CADM2: variants seen among roughly 807,000 people sequenced by gnomAD.
The protein encoded by CADM2 is cell adhesion molecule 2.
A neutral mutation model predicts 49.8 loss-of-function variants in CADM2; 12 were observed. The observed-to-expected ratio is 0.24, with a 90% confidence interval of 0.15 to 0.39. The LOEUF (loss-of-function observed/expected upper bound fraction) is 0.39, where lower values mean the gene tolerates loss of function less well. CADM2 is among the 10% of genes least tolerant of loss of function. The pLI, the probability that CADM2 is intolerant of heterozygous loss-of-function variation, is 1.00. For missense variants in CADM2, 378 were observed against 492.3 expected, an observed-to-expected ratio of 0.77 and a Z score of 2.20; for synonymous variants, 214 against 175.4, an observed-to-expected ratio of 1.22 and a Z score of -1.74.
At chr3:85,171,595 T>C (rs1217500465) in intron 1 of CADM2, among the ~76,000 whole-genome samples, 1 of 152,232 alleles carries the variant, frequency 6.6e-6, no homozygotes, top group East Asian at 1.9e-4. Context: ...ACTGGCTTAC[T>C]GAGGCATAAT....
At chr3:85,015,135 A>G (rs1412009822) in intron 1 of CADM2, among the ~76,000 whole-genome samples, 1 of 152,070 alleles carries the variant, frequency 6.6e-6, no homozygotes, top group African/African-American at 2.4e-5. Context: ...ATATATAAAC[A>G]CATATATGTG....
Position 86,066,991 on chromosome 3 carries a change from A to AAATT in CADM2, c.*208_*209insAATT. The AAATT allele has an allele frequency of 1.9e-6, 1 of 533,142 alleles. No individual in the cohort carries two copies. Among genetic ancestry groups the AAATT allele is most frequent in the Non-Finnish European group, 3.3e-6 (1 of 298,560 alleles). 33.0% of individuals were successfully genotyped at this position (533,142 alleles called of 1,614,324 possible). ...CCATCCATAATGCAGGACATTTCTT[A>AAATT]CTGCCTAAATTTCACACCATTGCTC... On this transcript the variant is annotated 3_prime_UTR_variant, in exon 10 of 10. Transcript: ENST00000383699.
chr3:85,031,288 T>A (rs2034965924), intron 1 of CADM2, among the ~76,000 whole-genome samples: 3 of 152,192 alleles, frequency 2.0e-5, no homozygotes. Context: ...TGAGTTAGTA[T>A]GTCAGCCTTG....
chr3:85,037,910 C>T (rs1162028364), intron 1 of CADM2, among the ~76,000 whole-genome samples: 1 of 151,682 alleles, frequency 6.6e-6, no homozygotes, highest in African/African-American at 2.4e-5. Context: ...TCCATTTCAT[C>T]CCATTTTTTA....
At chr3:85,633,762 ATAT>A (rs911945667) in intron 1 of CADM2, among the ~76,000 whole-genome samples, 7 of 152,094 alleles carry the variant, frequency 4.6e-5, no homozygotes, top group African/African-American at 1.7e-4. Flanking sequence ...AACAAATAAA[ATAT>A]TCCTTTCAAA....
intron 1 of CADM2, among the ~76,000 whole-genome samples, chr3:85,513,718 A>C (rs1349260684): frequency 2.6e-5 from 4 of 152,012 alleles, no homozygotes; most frequent in Admixed American, 2.6e-4. Flanking sequence ...TAATGTAAGC[A>C]TTCTAGACTG....
chr3:85,144,620 A>AAAAGAAAGAAAGAAAGAAAG (rs60207038), intron 1 of CADM2, among the ~76,000 whole-genome samples: 17 of 136,388 alleles, frequency 1.2e-4, no homozygotes, highest in Middle Eastern at 3.8e-3. Flanking sequence ...TCAAAAAAAA[A>AAAAGAAAGAAAGAAAGAAAG]AAAGAAAGAA....
chr3:85,127,059 A>C (rs1369320351), intron 1 of CADM2, among the ~76,000 whole-genome samples: 2 of 152,198 alleles, frequency 1.3e-5, no homozygotes, highest in East Asian at 3.8e-4. Flanking sequence ...GACAATTTTT[A>C]GTAGATCCAT....
rs115496152 is a variant in CADM2 at position 85,385,373 on chromosome 3, A to G, written c.62-341149A>G. Among the ~76,000 whole-genome samples the G allele has an allele frequency of 7.2e-3, 1,090 of 152,332 alleles. 11 individuals are homozygous for G. The highest frequency in any genetic ancestry group is 0.023 in the African/African-American group (977 of 41,590). Reference sequence around the variant, plus strand: ...GAGAGTGAGCAGGGAGGGAAAATGTATAGATTAACTGATAGTAGGGGAGAG... The same window carrying G: ...GAGAGTGAGCAGGGAGGGAAAATGTGTAGATTAACTGATAGTAGGGGAGAG... On this transcript the variant is annotated intron_variant, in intron 1 of 9. Coordinates refer to ENST00000383699, the MANE Select transcript of CADM2 (RefSeq NM_001167675.2).
At chr3:85,741,318 T>A (rs1040646679) in intron 2 of CADM2, among the ~76,000 whole-genome samples, 1 of 138,904 alleles carries the variant, frequency 7.2e-6, no homozygotes, top group African/African-American at 2.9e-5. Context: ...TCTTTGATGA[T>A]TTATTTCCCC....
chr3:85,301,362 C>T (rs920756731), intron 1 of CADM2, among the ~76,000 whole-genome samples: 6 of 151,770 alleles, frequency 4.0e-5, no homozygotes, highest in South Asian at 2.1e-4. Context: ...CCCAGTGCCT[C>T]GGGATGTGGA....
At chr3:85,474,974 A>C (rs929467377) in intron 1 of CADM2, among the ~76,000 whole-genome samples, 2 of 151,842 alleles carry the variant, frequency 1.3e-5, no homozygotes. Context: ...GCTCTGAGCA[A>C]AATCACAGTA....
In CADM2 at chr3:84,959,559, G is replaced by A; in HGVS notation, c.-49G>A. On this transcript the variant is annotated 5_prime_UTR_variant, in exon 1 of 10. Coordinates refer to ENST00000383699, the MANE Select transcript of CADM2 (RefSeq NM_001167675.2). ...CTGCACTCTCGTGCCCCGCTCACCA[G>A]CATCTACTTGCCCCCTCGTTCCTTC... 1 of 1,505,874 alleles carries A rather than the reference G, an allele frequency of 6.6e-7. No homozygotes were observed. The highest frequency in any genetic ancestry group is 8.9e-7 in the Non-Finnish European group (1 of 1,118,650). The allele number at this position is 1,505,874 out of a possible 1,614,324, so 93.3% of individuals were successfully genotyped here. A position where few individuals can be genotyped will look rare whatever the true frequency, so the allele number is the denominator to read the frequency against.
At chr3:85,968,802 G>A (rs1725766458) in intron 8 of CADM2, among the ~76,000 whole-genome samples, 1 of 151,604 alleles carries the variant, frequency 6.6e-6, no homozygotes, top group Non-Finnish European at 1.5e-5. Flanking sequence ...CAAGCAATAT[G>A]CAATGGCCCA....
At chr3:85,011,030 AT>A (rs1238386242) in intron 1 of CADM2, among the ~76,000 whole-genome samples, 2 of 150,808 alleles carry the variant, frequency 1.3e-5, no homozygotes, top group South Asian at 4.2e-4. Context: ...CGCCTGGCTA[AT>A]TTTTTTGTAT....
chr3:85,839,702 C>T (rs544412694), intron 3 of CADM2, among the ~76,000 whole-genome samples: 1 of 151,790 alleles, frequency 6.6e-6, no homozygotes, highest in South Asian at 2.1e-4. Flanking sequence ...GTCAGGGTCA[C>T]CCATTTCATG....
Position 85,717,012 on chromosome 3 carries a change from G to T in CADM2, c.62-9510G>T, listed in dbSNP as rs536449258. Reference sequence around the variant, plus strand: ...TTGGTTCCATATCAAATTTAAAGTAGTTTTTTATAATTCTGTGAAGAAAGT... The same window carrying T: ...TTGGTTCCATATCAAATTTAAAGTATTTTTTTATAATTCTGTGAAGAAAGT... On this transcript the variant is annotated intron_variant, in intron 1 of 9. Transcript: ENST00000383699. Among the ~76,000 whole-genome samples the T allele has an allele frequency of 1.2e-4, 19 of 152,236 alleles. No homozygotes were observed. The East Asian group carries it at 3.7e-3, about 29-fold the overall frequency.
At chr3:85,683,948 T>C (rs907530834) in intron 1 of CADM2, among the ~76,000 whole-genome samples, 1 of 152,152 alleles carries the variant, frequency 6.6e-6, no homozygotes, top group Non-Finnish European at 1.5e-5. Context: ...CTGTGTGTGT[T>C]TATGTGTCTG....
At chr3:85,521,165 A>G (rs1176139648) in intron 1 of CADM2, among the ~76,000 whole-genome samples, 1 of 152,156 alleles carries the variant, frequency 6.6e-6, no homozygotes, top group Non-Finnish European at 1.5e-5. Context: ...CTCAAAAATG[A>G]AACTCTAGGA....
Sources: allele counts gnomAD v4.1 joint callset (sites outside exome capture counted in the v4.1 genomes callset), GRCh38; gene constraint gnomAD v4.1.1; transcripts MANE v1.5; gene names NCBI Gene and HGNC (gene_info 2026-07-23, HGNC 2026-07-21).